IGSF21: variants seen among roughly 807,000 people sequenced by gnomAD.
IGSF21 encodes the protein immunoglobin superfamily member 21.
A neutral mutation model predicts 46.8 loss-of-function variants in IGSF21; 28 were observed. The ratio of observed to expected loss-of-function variants is 0.60; its 90% CI spans 0.44 to 0.82. IGSF21 has a LOEUF of 0.82. Among genes scored for constraint, IGSF21 ranks in the 40% least tolerant of loss-of-function variants. The probability of loss-of-function intolerance (pLI) is 0.00; values close to 1 mark genes in which losing one functional copy is unlikely to be tolerated. For synonymous variants in IGSF21, 284 were observed against 273.6 expected (o/e 1.04, Z -0.38); for missense variants, 624 against 665.5 (o/e 0.94, Z 0.69).
At chr1:18,266,491 C>A (rs1001368882) in intron 2 of IGSF21, among the ~76,000 whole-genome samples, 1 of 152,226 alleles carries the variant, frequency 6.6e-6, no homozygotes, top group Non-Finnish European at 1.5e-5. Flanking sequence ...AGCATCTGAC[C>A]TTTGACTGAC....
At chr1:18,343,001 G>A (rs2085858288) in intron 4 of IGSF21, among the ~76,000 whole-genome samples, 1 of 152,210 alleles carries the variant, frequency 6.6e-6, no homozygotes, top group Non-Finnish European at 1.5e-5. Context: ...TTAAATTTCT[G>A]AGAAGCTTCC....
At chr1:18,281,168 C>G (rs188839910) in intron 2 of IGSF21, among the ~76,000 whole-genome samples, 3 of 152,100 alleles carry the variant, frequency 2.0e-5, no homozygotes, top group African/African-American at 7.2e-5. Context: ...AATGAATGAA[C>G]AGGTGAGTGA....
At chr1:18,172,290 T>C (rs1469661627) in intron 1 of IGSF21, among the ~76,000 whole-genome samples, 1 of 152,152 alleles carries the variant, frequency 6.6e-6, no homozygotes, top group Non-Finnish European at 1.5e-5. Flanking sequence ...TTGGTAAGAG[T>C]CTGTTTTCCT....
At chr1:18,132,168 AATGGATGGATGG>A (rs3045379) in intron 1 of IGSF21, among the ~76,000 whole-genome samples, 27 of 151,054 alleles carry the variant, frequency 1.8e-4, no homozygotes, top group African/African-American at 2.2e-4. Flanking sequence ...TATCTGGATG[AATGGATGGATGG>A]ATGGATGGAT....
At chr1:18,225,976 T>C (rs991227417) in intron 1 of IGSF21, among the ~76,000 whole-genome samples, 4 of 152,214 alleles carry the variant, frequency 2.6e-5, no homozygotes, top group African/African-American at 9.6e-5. Context: ...GGAATCATAA[T>C]AGTTCCTCTC....
intron 1 of IGSF21, among the ~76,000 whole-genome samples, chr1:18,191,364 G>T (rs768649847): frequency 1.1e-4 from 17 of 152,314 alleles, no homozygotes; most frequent in Admixed American, 2.0e-4. Context: ...ATAAGGATGA[G>T]ATCAAAGGAT....
rs577605554 is a variant in IGSF21, at chr1:18,154,176, C to T, written c.70+45978C>T. On this transcript the variant is annotated intron_variant, in intron 1 of 9. Coordinates refer to ENST00000251296, the MANE Select transcript of IGSF21 (RefSeq NM_032880.5). ...TCCCCACCCTTCCCTATCGCCTTCA[C>T]CTGGGCTGATGCGCTCATTTGCTTC... Among the ~76,000 whole-genome samples, 8 of 152,268 alleles carry T rather than the reference C, an allele frequency of 5.3e-5. No homozygotes were observed. The East Asian group carries it at 1.6e-3, about 30-fold the overall frequency.
intron 2 of IGSF21, among the ~76,000 whole-genome samples, chr1:18,276,524 A>G (rs1288898532): frequency 2.6e-5 from 4 of 152,138 alleles, no homozygotes; most frequent in African/African-American, 7.2e-5. Context: ...GCAGTCTCCA[A>G]ACATGTCTAG....
chr1:18,275,982 G>A (rs941998340), intron 2 of IGSF21, among the ~76,000 whole-genome samples: 12 of 152,076 alleles, frequency 7.9e-5, no homozygotes, highest in African/African-American at 2.2e-4. Flanking sequence ...TTTCTCCGCC[G>A]TGCCCATATC....
intron 1 of IGSF21, among the ~76,000 whole-genome samples, chr1:18,124,399 G>T (rs75272880): frequency 0.019 from 2,846 of 152,296 alleles, 96 homozygotes; most frequent in African/African-American, 0.064. Context: ...AGTGCAGAGA[G>T]GTTAAGCCAC....
At chr1:18,280,426 G>C (rs1280737545) in intron 2 of IGSF21, among the ~76,000 whole-genome samples, 1 of 152,052 alleles carries the variant, frequency 6.6e-6, no homozygotes, top group East Asian at 1.9e-4. Context: ...CCTGTTTGAA[G>C]CCTTCAATGG....
At chr1:18,227,291 G>A (rs2084577855) in intron 1 of IGSF21, among the ~76,000 whole-genome samples, 1 of 152,040 alleles carries the variant, frequency 6.6e-6, no homozygotes, top group Admixed American at 6.6e-5. Context: ...GGAGTCATTT[G>A]TTTATGAGGT....
chr1:18,166,327 C>T (rs1448118054), intron 1 of IGSF21, among the ~76,000 whole-genome samples: 2 of 152,088 alleles, frequency 1.3e-5, no homozygotes, highest in African/African-American at 4.8e-5. Flanking sequence ...TTATCTTTGC[C>T]TGGTTTCCCC....
At chr1:18,172,583 G>C (rs1434981650) in intron 1 of IGSF21, among the ~76,000 whole-genome samples, 2 of 152,230 alleles carry the variant, frequency 1.3e-5, no homozygotes, top group Admixed American at 6.5e-5. Flanking sequence ...TGTGCAGAGA[G>C]AGAGAGAGAA....
chr1:18,291,278 C>T (rs909115081), intron 2 of IGSF21, among the ~76,000 whole-genome samples: 3 of 152,214 alleles, frequency 2.0e-5, no homozygotes, highest in African/African-American at 7.2e-5. Context: ...CATGTCCTCT[C>T]TCCTGGCCCA....
In IGSF21 at chr1:18,253,300, C is replaced by T. The variant is rs185821481; in HGVS notation, c.183+25290C>T. Among the ~76,000 whole-genome samples, 769 of 152,338 alleles carry T rather than the reference C, an allele frequency of 5.0e-3. 7 individuals are homozygous for T. Among genetic ancestry groups the T allele is most frequent in the African/African-American group, 0.016 (686 of 41,576 alleles). ...AAACTTTCCTGAGTCATCTGATGGG[C>T]TACACTGTTTCCTGGCACCCTAATG... On this transcript the variant is annotated intron_variant, in intron 2 of 9. Coordinates refer to ENST00000251296, the MANE Select transcript of IGSF21 (RefSeq NM_032880.5).
chr1:18,129,547 C>T (rs867788899), intron 1 of IGSF21, among the ~76,000 whole-genome samples: 7 of 152,284 alleles, frequency 4.6e-5, no homozygotes, highest in East Asian at 1.9e-4. Context: ...ATGCCACCCA[C>T]GGGCAAGACT....
intron 1 of IGSF21, among the ~76,000 whole-genome samples, chr1:18,127,922 G>C (rs1458161276): frequency 6.6e-6 from 1 of 151,920 alleles, no homozygotes; most frequent in East Asian, 1.9e-4. Context: ...AAAACAAATG[G>C]GGGTGAAGCT....
intron 5 of IGSF21, among the ~76,000 whole-genome samples, chr1:18,364,664 C>A (rs1380620686): frequency 2.6e-5 from 4 of 152,146 alleles, no homozygotes; most frequent in Admixed American, 2.6e-4. Flanking sequence ...CTCACCTCAT[C>A]CCCGCACCTA....
Sources: gnomAD v4.1 joint callset for allele counts (sites outside exome capture counted in the v4.1 genomes callset) on GRCh38, gnomAD v4.1.1 for gene constraint, MANE v1.5 for transcripts, NCBI Gene and HGNC (gene_info 2026-07-23, HGNC 2026-07-21) for gene names.